The following CNBD1 variants were observed in gnomAD, a reference collection of about 807,000 sequenced individuals.
The protein encoded by CNBD1 is cyclic nucleotide-binding domain-containing protein 1.
A neutral mutation model predicts 54.4 loss-of-function variants in CNBD1; 71 were observed. The observed-to-expected ratio is 1.30, with a 90% CI of 1.08 to 1.59. The LOEUF (loss-of-function observed/expected upper bound fraction) is 1.59. Ranked by LOEUF, CNBD1 falls within the 40% of genes most tolerant of loss-of-function variation. The probability of loss-of-function intolerance (pLI) is 0.00; values close to 1 mark genes in which losing one functional copy is unlikely to be tolerated. For missense variants in CNBD1, 659 were observed against 518.0 expected (o/e 1.27, Z -2.64); for synonymous variants, 182 against 170.7 (o/e 1.07, Z -0.51).
chr8:86,891,974 TTTATAC>T (rs1259754671), intron 2 of CNBD1, among the ~76,000 whole-genome samples: 1 of 151,998 alleles, frequency 6.6e-6, no homozygotes. Context: ...TCTCTAGGCT[TTTATAC>T]TTATAAGATC....
intron 8 of CNBD1, among the ~76,000 whole-genome samples, chr8:87,319,195 T>C (rs533379775): frequency 4.3e-4 from 66 of 152,158 alleles, no homozygotes; most frequent in South Asian, 3.5e-3. Flanking sequence ...ATAACACTAG[T>C]TACCTTCAAC....
rs564186193 is a variant in CNBD1, at chr8:87,229,006, G to A, written c.578-7913G>A. On this transcript the variant is annotated intron_variant, in intron 5 of 10. Transcript: ENST00000518476. ...CGGGTGGGAGTGACCCGATTTTCCC[G>A]ATTTTCCAGGTGCGGTCCCTCACCC... 2.8e-4 allele frequency among the ~76,000 whole-genome samples: 43 copies of A among 152,304 alleles called. No individual in the cohort carries two copies. The East Asian group carries it at 6.8e-3, about 24-fold the overall frequency.
chr8:86,959,398 C>T (rs968317218), intron 4 of CNBD1, among the ~76,000 whole-genome samples: 1 of 152,130 alleles, frequency 6.6e-6, no homozygotes, highest in Non-Finnish European at 1.5e-5. Flanking sequence ...GTTGGCCTGC[C>T]TTGCTAGGTT....
chr8:87,185,589 A>G (rs1392714975), intron 4 of CNBD1, among the ~76,000 whole-genome samples: 2 of 152,152 alleles, frequency 1.3e-5, no homozygotes, highest in Non-Finnish European at 2.9e-5. Flanking sequence ...TATGTGGTCT[A>G]TCCTATTTCC....
intron 4 of CNBD1, among the ~76,000 whole-genome samples, chr8:86,986,942 G>A (rs1808621970): frequency 6.6e-6 from 1 of 152,024 alleles, no homozygotes; most frequent in Non-Finnish European, 1.5e-5. Context: ...TTGGGTAGTA[G>A]GATACCTCCA....
chr8:87,247,683 C>T (rs1165090981), intron 6 of CNBD1, among the ~76,000 whole-genome samples: 1 of 152,122 alleles, frequency 6.6e-6, no homozygotes, highest in Non-Finnish European at 1.5e-5. Flanking sequence ...GGCCAGTGAT[C>T]TACCTTTAGA....
intron 3 of CNBD1, among the ~76,000 whole-genome samples, chr8:86,922,064 T>C (rs1809283400): frequency 6.6e-6 from 1 of 152,050 alleles, no homozygotes. Flanking sequence ...AAGGAATGTT[T>C]AAGTTGAAGG....
chr8:87,219,034 T>C (rs577725927), intron 5 of CNBD1, among the ~76,000 whole-genome samples: 1 of 152,100 alleles, frequency 6.6e-6, no homozygotes, highest in South Asian at 2.1e-4. Flanking sequence ...TAAGAAACTG[T>C]TTTCCTTCTC....
At chr8:87,056,845 A>C (rs1810425940) in intron 4 of CNBD1, among the ~76,000 whole-genome samples, 1 of 152,222 alleles carries the variant, frequency 6.6e-6, no homozygotes, top group South Asian at 2.1e-4. Context: ...AATTTATAAA[A>C]TAGCAAAACA....
At chr8:87,256,015 A>ATATT (rs1563526157) in intron 6 of CNBD1, among the ~76,000 whole-genome samples, 6 of 15,786 alleles carry the variant, frequency 3.8e-4, no homozygotes, top group African/African-American at 1.1e-3. Context: ...ATATATATAT[A>ATATT]TTTTTTTTTT....
intron 4 of CNBD1, among the ~76,000 whole-genome samples, chr8:87,105,256 C>T (rs868151722): frequency 3.3e-5 from 5 of 151,928 alleles, no homozygotes; most frequent in Non-Finnish European, 5.9e-5. Flanking sequence ...CTTTTTAAAA[C>T]CACATGTAAT....
intron 8 of CNBD1, among the ~76,000 whole-genome samples, chr8:87,347,941 G>A (rs1034068083): frequency 2.0e-5 from 3 of 152,040 alleles, no homozygotes; most frequent in African/African-American, 7.2e-5. Context: ...AAGTTCTTTG[G>A]AAGTCTCTGA....
chr8:86,894,577 G>A (rs902163286), intron 2 of CNBD1, among the ~76,000 whole-genome samples: 1 of 152,064 alleles, frequency 6.6e-6, no homozygotes, highest in Non-Finnish European at 1.5e-5. Flanking sequence ...ACATTGCAGG[G>A]CTTTTGACAA....
chr8:87,252,164 G>T (rs1807929907), intron 6 of CNBD1, among the ~76,000 whole-genome samples: 1 of 151,992 alleles, frequency 6.6e-6, no homozygotes, highest in South Asian at 2.1e-4. Context: ...GATAAATATG[G>T]TTCAACAGTG....
chr8:87,100,764 C>T (rs1402853324), intron 4 of CNBD1, among the ~76,000 whole-genome samples: 1 of 152,062 alleles, frequency 6.6e-6, no homozygotes, highest in Non-Finnish European at 1.5e-5. Context: ...TGTGAGCCAC[C>T]ATGCCTGGCC....
At chr8:87,315,499 G>T (rs900214421) in intron 8 of CNBD1, among the ~76,000 whole-genome samples, 4 of 151,896 alleles carry the variant, frequency 2.6e-5, no homozygotes, top group African/African-American at 9.7e-5. Flanking sequence ...AGGCAAAAGG[G>T]AACCAGAGAT....
At chr8:86,933,210 CT>C (rs1416173753) in intron 3 of CNBD1, among the ~76,000 whole-genome samples, 1 of 152,088 alleles carries the variant, frequency 6.6e-6, no homozygotes, top group Non-Finnish European at 1.5e-5. Context: ...CGGGAATAAC[CT>C]TTTACTCTTA....
chr8:86,938,731 A>G (rs910942637), intron 3 of CNBD1, among the ~76,000 whole-genome samples: 2 of 152,132 alleles, frequency 1.3e-5, no homozygotes, highest in Non-Finnish European at 2.9e-5. Flanking sequence ...ACAATTCAAG[A>G]TGAGATTTGG....
intron 8 of CNBD1, among the ~76,000 whole-genome samples, chr8:87,302,351 C>T (rs1477423835): frequency 3.9e-5 from 6 of 152,044 alleles, no homozygotes; most frequent in South Asian, 2.1e-4. Context: ...AATCAATGAA[C>T]GTAATCCAGC....
Sources: gnomAD v4.1 joint callset for allele counts (sites outside exome capture counted in the v4.1 genomes callset) on GRCh38, gnomAD v4.1.1 for gene constraint, MANE v1.5 for transcripts, NCBI Gene and HGNC (gene_info 2026-07-23, HGNC 2026-07-21) for gene names.